Variants in EXT1 observed in about 807,000 individuals in gnomAD.
The protein encoded by EXT1 is exostosin glycosyltransferase 1.
A neutral mutation model predicts 82.5 loss-of-function variants in EXT1; 20 were observed. That is an observed-to-expected ratio of 0.24 (90% CI 0.17 to 0.35). The LOEUF is 0.35. Among genes scored for constraint, EXT1 ranks in the 10% least tolerant of loss-of-function variants. The pLI, the probability that EXT1 is intolerant of heterozygous loss-of-function variation, is 1.00. For synonymous variants in EXT1, 348 were observed against 350.8 expected, an observed-to-expected ratio of 0.99 and a Z score of 0.09; for missense variants, 757 against 936.5, an observed-to-expected ratio of 0.81 and a Z score of 2.50.
At chr8:117,848,315 A>G (rs1192449688) in intron 1 of EXT1, among the ~76,000 whole-genome samples, 1 of 152,226 alleles carries the variant, frequency 6.6e-6, no homozygotes. Flanking sequence ...AGAGAGGCCC[A>G]CAAGTCTAGA....
Position 117,819,657 on chromosome 8 carries a change from C to T in EXT1, c.1536+19G>A. On this transcript the variant is annotated intron_variant, in intron 6 of 10. Transcript: ENST00000378204. ...GGAGCTGGAGCAGGCAGGGGCTTCT[C>T]TGTCAACTTCCCGCTCACCTGGGCA... The T allele has an allele frequency of 6.2e-7, 1 of 1,606,206 alleles. No individual in the cohort carries two copies. Among genetic ancestry groups the T allele is most frequent in the Non-Finnish European group, 8.5e-7 (1 of 1,174,502 alleles).
intron 10 of EXT1, among the ~76,000 whole-genome samples, chr8:117,803,773 T>G (rs1823200498): frequency 6.6e-6 from 1 of 152,224 alleles, no homozygotes; most frequent in South Asian, 2.1e-4. Flanking sequence ...ATACTAAAAT[T>G]GTATAACTCA....
intron 1 of EXT1, among the ~76,000 whole-genome samples, chr8:118,102,777 T>C (rs758767935): frequency 2.0e-5 from 3 of 152,218 alleles, no homozygotes; most frequent in Non-Finnish European, 4.4e-5. Flanking sequence ...GAAATTTAAT[T>C]ATGTATTCCA....
chr8:117,862,592 C>G (rs755607313), intron 1 of EXT1, among the ~76,000 whole-genome samples: 1 of 144,830 alleles, frequency 6.9e-6, no homozygotes, highest in Non-Finnish European at 1.5e-5. Flanking sequence ...CTCATTCCAT[C>G]CAGGCACTGC....
Position 117,820,791 on chromosome 8 carries a change from T to C in EXT1, c.1418-997A>G, listed in dbSNP as rs546204261. On this transcript the variant is annotated intron_variant, in intron 5 of 10. Transcript: ENST00000378204. ...TATATGTCAGCAGCTACCATTATCA[T>C]CACCCTCACCAACATTATTATTTTG... is the stretch of plus-strand genomic sequence containing the variant. 7.1e-4 allele frequency among the ~76,000 whole-genome samples: 108 copies of C among 152,278 alleles called. 1 individual carries two copies. Among genetic ancestry groups the C allele is most frequent in the African/African-American group, 2.6e-3 (108 of 41,564 alleles).
At chr8:117,830,418 C>A (rs1812079839) in intron 3 of EXT1, 69 bp from the exon 4 acceptor site, 1 of 1,575,518 alleles carries the variant, frequency 6.3e-7, no homozygotes, top group African/African-American at 1.4e-5. Flanking sequence ...TCAAAATAAC[C>A]CAACTGGGTT....
intron 1 of EXT1, among the ~76,000 whole-genome samples, chr8:117,842,675 CAG>C (rs1451144325): frequency 6.6e-6 from 1 of 152,220 alleles, no homozygotes; most frequent in African/African-American, 2.4e-5. Context: ...ATCCCAAAGA[CAG>C]AGCCAAGAGA....
chr8:117,897,016 A>C (rs994114225), intron 1 of EXT1, among the ~76,000 whole-genome samples: 17 of 152,068 alleles, frequency 1.1e-4, no homozygotes, highest in Admixed American at 6.6e-5. Context: ...AAGTGCCCCT[A>C]CTTGACAGCT....
intron 1 of EXT1, among the ~76,000 whole-genome samples, chr8:117,923,514 G>A (rs777383193): frequency 5.3e-5 from 8 of 151,296 alleles, no homozygotes; most frequent in East Asian, 3.9e-4. Context: ...TCAGGAGATC[G>A]AGACCATCCT....
chr8:117,823,392 T>A (rs2129751826), intron 4 of EXT1, among the ~76,000 whole-genome samples: 1 of 152,202 alleles, frequency 6.6e-6, no homozygotes, highest in African/African-American at 2.4e-5. Context: ...ACTTTATAGC[T>A]TTCTCTCTGT....
chr8:117,935,450 G>A (rs17504694), intron 1 of EXT1, among the ~76,000 whole-genome samples: 10,234 of 151,546 alleles, frequency 0.068, 1,193 homozygotes, highest in African/African-American at 0.24. Flanking sequence ...CCTCCCAAGT[G>A]GTTGGGAGGT....
chr8:117,957,477 TA>T (rs1814611276), intron 1 of EXT1, among the ~76,000 whole-genome samples: 1 of 152,162 alleles, frequency 6.6e-6, no homozygotes, highest in Admixed American at 6.5e-5. Flanking sequence ...CTGCAGGTCT[TA>T]CGGAGGGAGC....
rs565058211 is a variant in EXT1 at position 117,957,438 on chromosome 8, C to T, written c.963-120237G>A. On this transcript the variant is annotated intron_variant, in intron 1 of 10. Transcript: ENST00000378204. The stretch of plus-strand genomic sequence containing the variant: ...GCAGTGAGTTCATAATGGCCCTTCC[C>T]CCTGGCCTCTCGGCCCGGAATAAAC... 2.0e-5 allele frequency among the ~76,000 whole-genome samples: 3 copies of T among 152,306 alleles called. No homozygotes were observed. In the East Asian group the frequency reaches 5.8e-4, roughly 29 times the overall value.
intron 1 of EXT1, among the ~76,000 whole-genome samples, chr8:117,856,096 T>C (rs1812551923): frequency 6.6e-6 from 1 of 152,136 alleles, no homozygotes; most frequent in Non-Finnish European, 1.5e-5. Context: ...AAAGGAAAAG[T>C]TCTTGAAGGA....
intron 1 of EXT1, among the ~76,000 whole-genome samples, chr8:118,067,653 T>G (rs1272354467): frequency 6.6e-6 from 1 of 152,224 alleles, no homozygotes. Context: ...AGAATTATCC[T>G]CTCTCAATTA....
At chr8:117,964,820 T>C (rs147568977) in intron 1 of EXT1, among the ~76,000 whole-genome samples, 144 of 152,240 alleles carry the variant, frequency 9.5e-4, no homozygotes, top group African/African-American at 3.3e-3. Context: ...GTATTTTTAG[T>C]AGAGACAGGG....
At chr8:118,021,683 G>A (rs1275837151) in intron 1 of EXT1, among the ~76,000 whole-genome samples, 1 of 152,112 alleles carries the variant, frequency 6.6e-6, no homozygotes, top group Non-Finnish European at 1.5e-5. Context: ...TAGGGATATT[G>A]TCTGAATGTT....
At chr8:118,109,457 G>A (rs1447872139) in intron 1 of EXT1, among the ~76,000 whole-genome samples, 1 of 151,734 alleles carries the variant, frequency 6.6e-6, no homozygotes, top group Non-Finnish European at 1.5e-5. Flanking sequence ...ATGCATGCAT[G>A]CATGCATGCA....
intron 1 of EXT1, among the ~76,000 whole-genome samples, chr8:117,968,549 A>T (rs13265383): frequency 3.6e-3 from 41 of 11,306 alleles, no homozygotes; most frequent in Non-Finnish European, 6.3e-3. Context: ...TTATTTATTT[A>T]TTTATTTTTT....
Sources: gnomAD v4.1 joint callset for allele counts (sites outside exome capture counted in the v4.1 genomes callset) on GRCh38, gnomAD v4.1.1 for gene constraint, MANE v1.5 for transcripts, NCBI Gene and HGNC (gene_info 2026-07-23, HGNC 2026-07-21) for gene names.